The following KCNIP1 variants were observed in gnomAD, a reference collection of about 807,000 sequenced individuals.
KCNIP1 encodes the protein A-type potassium channel modulatory protein KCNIP1.
KCNIP1 carries 18 observed loss-of-function variants against 33.0 expected under a neutral mutation model. The ratio of observed to expected loss-of-function variants is 0.55; its 90% CI spans 0.38 to 0.81. The LOEUF (loss-of-function observed/expected upper bound fraction) is 0.81. KCNIP1 is among the 30% of genes least tolerant of loss of function. The pLI, the probability that KCNIP1 is intolerant of heterozygous loss-of-function variation, is 0.00. For synonymous variants in KCNIP1, 93 were observed against 98.3 expected, an observed-to-expected ratio of 0.95 and a Z score of 0.32; for missense variants, 238 against 271.6, an observed-to-expected ratio of 0.88 and a Z score of 0.87.
chr5:170,427,482 G>C (rs756192096), intron 1 of KCNIP1, among the ~76,000 whole-genome samples: 1 of 152,174 alleles, frequency 6.6e-6, no homozygotes, highest in Non-Finnish European at 1.5e-5. Context: ...AAGGGGAAGC[G>C]ACTTCCCAGG....
At chr5:170,524,825 C>T (rs1348616877) in intron 1 of KCNIP1, among the ~76,000 whole-genome samples, 1 of 152,142 alleles carries the variant, frequency 6.6e-6, no homozygotes. Flanking sequence ...GGCCCGGCTG[C>T]CCTGGCATGG....
chr5:170,542,065 C>T (rs568491970), intron 1 of KCNIP1, among the ~76,000 whole-genome samples: 17 of 152,286 alleles, frequency 1.1e-4, no homozygotes, highest in African/African-American at 3.4e-4. Context: ...TTATTGCACC[C>T]GGGCTCCTAG....
chr5:170,508,072 G>C (rs1214508523), intron 1 of KCNIP1, among the ~76,000 whole-genome samples: 2 of 152,204 alleles, frequency 1.3e-5, no homozygotes, highest in East Asian at 3.8e-4. Flanking sequence ...TGCTGGGCTT[G>C]TCAGCGGGGC....
At chr5:170,663,236 AG>A in intron 1 of KCNIP1, among the ~76,000 whole-genome samples, 1 of 152,302 alleles carries the variant, frequency 6.6e-6, no homozygotes, top group South Asian at 2.1e-4. Flanking sequence ...TAAACATCTG[AG>A]CCAGAGTGAA....
chr5:170,378,655 C>A (rs562075054), intron 1 of KCNIP1: 1 of 1,541,652 alleles, frequency 6.5e-7, no homozygotes, highest in South Asian at 1.3e-5. Context: ...CCTGGGGGCC[C>A]AGCCAGTCCC....
At chr5:170,410,865 AC>A (rs1159516913) in intron 1 of KCNIP1, among the ~76,000 whole-genome samples, 3 of 152,186 alleles carry the variant, frequency 2.0e-5, no homozygotes, top group Non-Finnish European at 4.4e-5. Context: ...GGATGGTGGA[AC>A]AGGGCCCCAC....
chr5:170,427,203 G>A (rs1270375934), intron 1 of KCNIP1, among the ~76,000 whole-genome samples: 1 of 152,230 alleles, frequency 6.6e-6, no homozygotes, highest in African/African-American at 2.4e-5. Context: ...AAGAGGTGCT[G>A]AGAGTCACTA....
chr5:170,689,182 A>G (rs2113811196), intron 1 of KCNIP1, among the ~76,000 whole-genome samples: 1 of 152,318 alleles, frequency 6.6e-6, no homozygotes, highest in South Asian at 2.1e-4. Flanking sequence ...TCTTTCATTC[A>G]TTCATTCGTT....
intron 1 of KCNIP1, among the ~76,000 whole-genome samples, chr5:170,477,232 G>GAT (rs141358703): frequency 0.013 from 1,993 of 150,164 alleles, 36 homozygotes; most frequent in African/African-American, 0.044. Context: ...ACTCTGGGGA[G>GAT]ATATATATAT....
At chr5:170,700,412 A>C (rs1226105235) in intron 1 of KCNIP1, among the ~76,000 whole-genome samples, 2 of 152,164 alleles carry the variant, frequency 1.3e-5, no homozygotes, top group African/African-American at 4.8e-5. Context: ...CAAAATAAAA[A>C]ATAAAAATTA....
intron 1 of KCNIP1, among the ~76,000 whole-genome samples, chr5:170,661,952 G>T (rs542159752): frequency 3.9e-5 from 6 of 152,088 alleles, no homozygotes; most frequent in African/African-American, 1.2e-4. Context: ...CGAGCACAAC[G>T]CAGCAGTCAC....
At chr5:170,733,693 T>G in intron 6 of KCNIP1, 143 bp from the exon 7 acceptor site, 1 of 653,340 alleles carries the variant, frequency 1.5e-6, no homozygotes, top group South Asian at 1.9e-5. Flanking sequence ...AAGACAACTC[T>G]CATTCTCAGG....
intron 1 of KCNIP1, among the ~76,000 whole-genome samples, chr5:170,496,497 T>C (rs1757313795): frequency 6.6e-6 from 1 of 152,118 alleles, no homozygotes; most frequent in Non-Finnish European, 1.5e-5. Flanking sequence ...CAGGAAACAA[T>C]GAGAGTCTTT....
At chr5:170,648,545 A>G (rs543311207) in intron 1 of KCNIP1, among the ~76,000 whole-genome samples, 1 of 152,352 alleles carries the variant, frequency 6.6e-6, no homozygotes, top group East Asian at 1.9e-4. Context: ...CAACCATGTA[A>G]CATTATGGAA....
At chr5:170,610,910 G>A (rs1215324182) in intron 1 of KCNIP1, among the ~76,000 whole-genome samples, 1 of 152,186 alleles carries the variant, frequency 6.6e-6, no homozygotes, top group African/African-American at 2.4e-5. Context: ...TGAGTACCTA[G>A]TATGTGCGGG....
intron 4 of KCNIP1, 133 bp downstream of exon 4, chr5:170,722,036 G>C (rs1763843566): frequency 1.4e-5 from 16 of 1,108,780 alleles, no homozygotes; most frequent in Non-Finnish European, 1.9e-5. Flanking sequence ...TTATCCATTT[G>C]TAAGCATTTC....
At chr5:170,399,955 C>T (rs1754856991) in intron 1 of KCNIP1, among the ~76,000 whole-genome samples, 1 of 152,188 alleles carries the variant, frequency 6.6e-6, no homozygotes, top group African/African-American at 2.4e-5. Flanking sequence ...AAGCCTCTGC[C>T]TCTTCTCTTT....
intron 1 of KCNIP1, among the ~76,000 whole-genome samples, chr5:170,436,619 G>A (rs1442946041): frequency 6.6e-6 from 1 of 152,202 alleles, no homozygotes; most frequent in Non-Finnish European, 1.5e-5. Context: ...AGGTGTTGCA[G>A]CGCAGGTGTG....
At chr5:170,634,423 A>G (rs971699359) in intron 1 of KCNIP1, among the ~76,000 whole-genome samples, 2 of 152,218 alleles carry the variant, frequency 1.3e-5, no homozygotes, top group Non-Finnish European at 2.9e-5. Flanking sequence ...CCAAGGTTCT[A>G]CATTTCCAAC....
Sources: allele counts gnomAD v4.1 joint callset (sites outside exome capture counted in the v4.1 genomes callset), GRCh38; gene constraint gnomAD v4.1.1; transcripts MANE v1.5; gene names NCBI Gene and HGNC (gene_info 2026-07-23, HGNC 2026-07-21).